Variants in DIP2A observed in about 807,000 individuals in gnomAD.
DIP2A encodes DIP2 acetate--CoA ligase A.
DIP2A carries 85 observed loss-of-function variants against 177.4 expected under a neutral mutation model. The observed-to-expected ratio is 0.48, with a 90% CI of 0.40 to 0.57. The LOEUF is 0.57. Among genes scored for constraint, DIP2A ranks in the 20% least tolerant of loss-of-function variants. DIP2A has a pLI of 0.00. For missense variants in DIP2A, 1,791 were observed against 2,100.2 expected (o/e 0.85, Z 2.88); for synonymous variants, 886 against 881.8 (o/e 1.00, Z -0.08).
intron 1 of DIP2A, among the ~76,000 whole-genome samples, chr21:46,474,658 A>G (rs1376145564): frequency 6.6e-6 from 1 of 152,126 alleles, no homozygotes; most frequent in African/African-American, 2.4e-5. Context: ...TTGTTTTCCT[A>G]AAGAGGTGAG....
chr21:46,560,890 C>T (rs530177504), intron 33 of DIP2A, 107 bp downstream of exon 33: 10 of 1,507,916 alleles, frequency 6.6e-6, no homozygotes, highest in East Asian at 2.5e-5. Flanking sequence ...TAGAGGACGG[C>T]GGGGCCAAGT....
At chr21:46,459,941 AGGTCTGGGCTT>A (rs1202650747) in intron 1 of DIP2A, among the ~76,000 whole-genome samples, 9 of 152,070 alleles carry the variant, frequency 5.9e-5, no homozygotes, top group African/African-American at 9.7e-5. Flanking sequence ...TCAAGGCTGT[AGGTCTGGGCTT>A]GGTCTGGGCT....
At chr21:46,489,737 A>T (rs1297204076) in intron 2 of DIP2A, among the ~76,000 whole-genome samples, 1 of 152,250 alleles carries the variant, frequency 6.6e-6, no homozygotes, top group African/African-American at 2.4e-5. Context: ...AACAAAGGCT[A>T]AAGCTAAATG....
chr21:46,492,590 G>A (rs371459528), intron 3 of DIP2A, among the ~76,000 whole-genome samples: 1 of 152,110 alleles, frequency 6.6e-6, no homozygotes, highest in Non-Finnish European at 1.5e-5. Context: ...GCTATTTGGA[G>A]TTTGGTCCTT....
rs571223223 is a variant in DIP2A at position 46,534,766 on chromosome 21, C to A, written c.1642+79C>A. Reference sequence around the variant, plus strand: ...GACGTACCTAATCATGTGACTGTCACTGCACCTGTCAAAACCACCCCTGGG... The same window carrying A: ...GACGTACCTAATCATGTGACTGTCAATGCACCTGTCAAAACCACCCCTGGG... On this transcript the variant is annotated intron_variant, in intron 13 of 37. Coordinates refer to ENST00000417564, the MANE Select transcript of DIP2A (RefSeq NM_015151.4). 734 of 1,309,096 alleles carry A rather than the reference C, an allele frequency of 5.6e-4. 1 individual carries two copies. Among genetic ancestry groups the A allele is most frequent in the Non-Finnish European group, 7.4e-4 (695 of 943,558 alleles). The allele number at this position is 1,309,096 out of a possible 1,614,324, so 81.1% of individuals were successfully genotyped here.
At chr21:46,528,568 T>TTTTTTTTTTTTTTTTTTTTTTTTTA (rs1569043246) in intron 8 of DIP2A, among the ~76,000 whole-genome samples, 4 of 90,636 alleles carry the variant, frequency 4.4e-5, no homozygotes, top group Non-Finnish European at 9.3e-5. Flanking sequence ...TTTTTTTTTT[T>TTTTTTTTTTTTTTTTTTTTTTTTTA]AGATAATGTC....
In DIP2A at chr21:46,557,229, A is replaced by C; in HGVS notation, c.3629+160A>C. The C allele has an allele frequency of 1.3e-6, 1 of 775,954 alleles. No homozygotes were observed. Among genetic ancestry groups the C allele is most frequent in the Non-Finnish European group, 2.0e-6 (1 of 502,548 alleles). 48.1% of individuals were successfully genotyped at this position (775,954 alleles called of 1,614,324 possible). On this transcript the variant is annotated intron_variant, in intron 30 of 37. Coordinates refer to ENST00000417564, the MANE Select transcript of DIP2A (RefSeq NM_015151.4). The surrounding 1 kb of genome is among the most constrained non-coding windows in gnomAD (Gnocchi z 6.0). ...GAAGTGGGTTGGAGTCTGAGTCTGA[A>C]ATTGAGTGAAAATACATTTTTCATT...
intron 8 of DIP2A, among the ~76,000 whole-genome samples, chr21:46,521,274 C>T (rs1005889749): frequency 3.9e-5 from 6 of 152,114 alleles, no homozygotes; most frequent in South Asian, 2.1e-4. Context: ...CTGCAACCTC[C>T]GCCTCCTGGG....
chr21:46,524,234 A>G (rs543309292), intron 8 of DIP2A, among the ~76,000 whole-genome samples: 2 of 152,272 alleles, frequency 1.3e-5, no homozygotes, highest in East Asian at 3.9e-4. Flanking sequence ...GCCACGAGGG[A>G]CTTTACTGAA....
chr21:46,490,269 C>G (rs2081220872), intron 2 of DIP2A, among the ~76,000 whole-genome samples: 1 of 152,086 alleles, frequency 6.6e-6, no homozygotes, highest in South Asian at 2.1e-4. Flanking sequence ...CAGAGGTGGG[C>G]TTTGGGAGGG....
chr21:46,550,872 C>T, intron 23 of DIP2A, 128 bp downstream of exon 23: 1 of 989,008 alleles, frequency 1.0e-6, no homozygotes, highest in Non-Finnish European at 1.5e-6. Flanking sequence ...GGGTCAAGAG[C>T]CAGAGCGAGT....
At chr21:46,476,311 G>T (rs2055841900) in intron 1 of DIP2A, among the ~76,000 whole-genome samples, 1 of 152,112 alleles carries the variant, frequency 6.6e-6, no homozygotes, top group Non-Finnish European at 1.5e-5. Flanking sequence ...TAACTGCCGT[G>T]TGGTATTATC....
chr21:46,494,087 C>T lies in DIP2A; in HGVS notation c.284-2901C>T, dbSNP rs80057140. Reference sequence around the variant, plus strand: ...AAGATTGTATTTCTAAAAGATAATGCCATTTTCACAAAGTAATTAACAATA... The same window carrying T: ...AAGATTGTATTTCTAAAAGATAATGTCATTTTCACAAAGTAATTAACAATA... On this transcript the variant is annotated intron_variant, in intron 3 of 37. Transcript: ENST00000417564. 4.8e-3 allele frequency among the ~76,000 whole-genome samples: 724 copies of T among 152,290 alleles called. 5 individuals carry two copies. The highest frequency in any genetic ancestry group is 0.017 in the African/African-American group (687 of 41,554).
At chr21:46,484,916 T>C in intron 2 of DIP2A, 88 bp downstream of exon 2, 5 of 1,332,808 alleles carry the variant, frequency 3.8e-6, no homozygotes, top group Non-Finnish European at 5.0e-6. Context: ...TTAACATTTG[T>C]TAGCAATGTT....
At chr21:46,561,432 G>T (rs2060659316) in intron 33 of DIP2A, 8 of 408,826 alleles carry the variant, frequency 2.0e-5, no homozygotes, top group South Asian at 1.7e-4. Flanking sequence ...CCACACTGTA[G>T]CTTGATGTAA....
chr21:46,531,595 T>C (rs1319671377), intron 9 of DIP2A, among the ~76,000 whole-genome samples: 1 of 152,246 alleles, frequency 6.6e-6, no homozygotes, highest in African/African-American at 2.4e-5. Context: ...AGAGAATCTC[T>C]TTGGTTAGGT....
chr21:46,506,760 C>CTTTTTT (rs1386718223), intron 6 of DIP2A, among the ~76,000 whole-genome samples: 1 of 76,616 alleles, frequency 1.3e-5, no homozygotes. Flanking sequence ...TTCTTTCTTT[C>CTTTTTT]TTTCTTTCTT....
At chr21:46,562,009 C>G (rs1218550607) in intron 34 of DIP2A, 1 of 835,328 alleles carries the variant, frequency 1.2e-6, no homozygotes. Flanking sequence ...AAACACACAT[C>G]TGAGCTCAAA....
At chr21:46,484,941 C>A in intron 2 of DIP2A, 113 bp downstream of exon 2, 1 of 994,708 alleles carries the variant, frequency 1.0e-6, no homozygotes, top group Non-Finnish European at 1.4e-6. Flanking sequence ...CAACTTTAAA[C>A]ACTGGTATAT....
Sources: allele counts gnomAD v4.1 joint callset (sites outside exome capture counted in the v4.1 genomes callset), GRCh38; gene constraint gnomAD v4.1.1; non-coding constraint Gnocchi (gnomAD v3.1); transcripts MANE v1.5; gene names NCBI Gene and HGNC (gene_info 2026-07-23, HGNC 2026-07-21).